FAM174A: variants seen among roughly 807,000 people sequenced by gnomAD.
FAM174A encodes family with sequence similarity 174 member A.
Under a neutral mutation model 14.3 loss-of-function variants are expected in FAM174A, and 14 were observed. That is an observed-to-expected ratio of 0.98 (90% CI 0.65 to 1.53). The LOEUF is 1.53. FAM174A is among the 40% of genes most tolerant of loss of function. The pLI is 0.00. For missense variants in FAM174A, 241 were observed against 249.6 expected, an observed-to-expected ratio of 0.97 and a Z score of 0.23; for synonymous variants, 108 against 111.4, an observed-to-expected ratio of 0.97 and a Z score of 0.19.
chr5:100,555,341 G>A (rs1382492974), intron 1 of FAM174A, among the ~76,000 whole-genome samples: 4 of 152,038 alleles, frequency 2.6e-5, no homozygotes, highest in African/African-American at 9.7e-5. Context: ...TTGGACATTT[G>A]GGTTGGTTCC....
At chr5:100,577,704 T>G (rs1422543589) in intron 2 of FAM174A, among the ~76,000 whole-genome samples, 3 of 152,140 alleles carry the variant, frequency 2.0e-5, no homozygotes, top group Non-Finnish European at 4.4e-5. Flanking sequence ...ATTAAAGTAC[T>G]AATATTTACT....
chr5:100,575,619 C>T (rs1047298280), intron 2 of FAM174A, among the ~76,000 whole-genome samples: 2 of 152,156 alleles, frequency 1.3e-5, no homozygotes, highest in Non-Finnish European at 1.5e-5. Context: ...AGGACATAGG[C>T]ATGGGCAAGG....
Position 100,535,709 on chromosome 5 carries a change from C to T in FAM174A, c.179C>T (p.Pro60Leu). The change falls in exon 1 of 3, where the codon CCT becomes CTT. Residue 60 changes from proline to leucine, a missense_variant. Coordinates refer to ENST00000312637, the MANE Select transcript of FAM174A (RefSeq NM_198507.3). Reference sequence around the variant, plus strand: ...ACATTACCGCCGCTGCCACCGGGCCCTACCCCTGCCCAGCAGCCGGGCCGT... The same window carrying T: ...ACATTACCGCCGCTGCCACCGGGCCTTACCCCTGCCCAGCAGCCGGGCCGT... ...PRTLPPLPPGPTPAQQPGRGL... is the reference protein window; with the variant it reads ...PRTLPPLPPGLTPAQQPGRGL... 2 of 1,607,212 alleles carry T rather than the reference C, an allele frequency of 1.2e-6. No individual in the cohort carries two copies. Among genetic ancestry groups the T allele is most frequent in the Non-Finnish European group, 1.7e-6 (2 of 1,178,140 alleles).
intron 2 of FAM174A, among the ~76,000 whole-genome samples, chr5:100,582,591 T>G (rs976987290): frequency 6.6e-6 from 1 of 152,082 alleles, no homozygotes; most frequent in Non-Finnish European, 1.5e-5. Flanking sequence ...ATAATTAGAA[T>G]TAAAATCTAT....
At position 100,535,506 on chromosome 5, in the gene FAM174A, G is replaced by C. The variant is rs1182723860; in HGVS notation, c.-25G>C. 1 of 1,608,360 alleles carries C rather than the reference G, an allele frequency of 6.2e-7. No homozygotes were observed. Among genetic ancestry groups the C allele is most frequent in the Admixed American group, 1.7e-5 (1 of 59,698 alleles). ...GCGTGGCGGGCCTGGCGGCTCCCGG[G>C]TGGTGAGAGAGCGGTCCGGGAACGA... On this transcript the variant is annotated 5_prime_UTR_variant, in exon 1 of 3. Transcript: ENST00000312637.
intron 2 of FAM174A, among the ~76,000 whole-genome samples, chr5:100,584,055 C>T (rs1747071627): frequency 6.6e-6 from 1 of 152,186 alleles, no homozygotes; most frequent in Admixed American, 6.5e-5. Flanking sequence ...CTTTAAAAGT[C>T]AGTCCCCTAC....
intron 1 of FAM174A, among the ~76,000 whole-genome samples, chr5:100,542,957 G>A (rs927937997): frequency 6.6e-6 from 1 of 151,808 alleles, no homozygotes; most frequent in Non-Finnish European, 1.5e-5. Flanking sequence ...ACTGGGTATA[G>A]CAGTGCAGGC....
chr5:100,566,155 T>TATATATATATATATATATATATAG (rs1561320272), intron 2 of FAM174A, among the ~76,000 whole-genome samples: 1 of 141,322 alleles, frequency 7.1e-6, no homozygotes, highest in Non-Finnish European at 1.5e-5. Context: ...TATATATATA[T>TATATATATATATATATATATATAG]ATATATATAT....
At chr5:100,561,818 C>T (rs947006736) in intron 1 of FAM174A, among the ~76,000 whole-genome samples, 3 of 151,714 alleles carry the variant, frequency 2.0e-5, no homozygotes, top group Admixed American at 6.6e-5. Flanking sequence ...CATCAGTTGA[C>T]ACAGAGAGAA....
intron 1 of FAM174A, among the ~76,000 whole-genome samples, chr5:100,548,357 CA>C (rs1444120819): frequency 2.0e-5 from 3 of 151,940 alleles, no homozygotes; most frequent in Non-Finnish European, 2.9e-5. Context: ...AACAACTAAT[CA>C]AAACAACATA....
intron 2 of FAM174A, among the ~76,000 whole-genome samples, chr5:100,566,095 G>C (rs1187320974): frequency 7.4e-6 from 1 of 135,264 alleles, no homozygotes; most frequent in Non-Finnish European, 1.6e-5. Flanking sequence ...ATTTAGGTGG[G>C]GGCACAGCCA....
chr5:100,565,257 C>G (rs1435940595), intron 2 of FAM174A, among the ~76,000 whole-genome samples: 1 of 151,704 alleles, frequency 6.6e-6, no homozygotes, highest in Non-Finnish European at 1.5e-5. Context: ...GAAAAAAAGC[C>G]ACAAGATCAT....
chr5:100,542,545 T>C (rs561958339), intron 1 of FAM174A, among the ~76,000 whole-genome samples: 1 of 152,352 alleles, frequency 6.6e-6, no homozygotes, highest in East Asian at 1.9e-4. Flanking sequence ...TTTCTAACTT[T>C]TCTCCACTTC....
intron 1 of FAM174A, among the ~76,000 whole-genome samples, chr5:100,556,348 TG>T (rs1437715112): frequency 6.6e-6 from 1 of 152,204 alleles, no homozygotes; most frequent in East Asian, 1.9e-4. Context: ...ACTGTAGCCT[TG>T]TAGTATAGTT....
At chr5:100,551,962 G>A (rs1463003092) in intron 1 of FAM174A, among the ~76,000 whole-genome samples, 1 of 152,134 alleles carries the variant, frequency 6.6e-6, no homozygotes, top group African/African-American at 2.4e-5. Flanking sequence ...ACATTTTGCA[G>A]TACCGGGGAT....
chr5:100,583,360 C>T (rs1396087121), intron 2 of FAM174A, among the ~76,000 whole-genome samples: 1 of 152,206 alleles, frequency 6.6e-6, no homozygotes, highest in African/African-American at 2.4e-5. Flanking sequence ...ACCAATTCTT[C>T]TTCCACAGCT....
rs1320690709 is a variant in FAM174A, at chr5:100,571,691, T to TATATATAC, written c.569+9504_569+9505insTATATACA. Among the ~76,000 whole-genome samples, 243 of 146,588 alleles carry TATATATAC rather than the reference T, an allele frequency of 1.7e-3. 2 individuals are homozygous for TATATATAC. The highest frequency in any genetic ancestry group is 5.8e-3 in the African/African-American group (235 of 40,354). On this transcript the variant is annotated intron_variant, in intron 2 of 2. Transcript: ENST00000312637. ...GTGTGTGTATATATATATATATATA[T>TATATATAC]ACACACACACACCCTATTACTTTAC...
chr5:100,535,622 C>G lies in FAM174A; in HGVS notation c.92C>G (p.Ala31Gly). 1 of 1,613,230 alleles carries G rather than the reference C, an allele frequency of 6.2e-7. No homozygotes were observed. Among genetic ancestry groups the G allele is most frequent in the Non-Finnish European group, 8.5e-7 (1 of 1,179,938 alleles). ...CTGCCTGAACTAAGCGGGCCCCTGG[C>G]AGTCCTGCTGCAGGCAGCCGAGGCC... ...LLLPELSGPL[A>G]VLLQAAEAAP... The change falls in exon 1 of 3, where the codon GCA becomes GGA. Residue 31 changes from alanine (A) to glycine (G), a missense_variant. Ala to Gly is a moderately conservative substitution (Grantham distance 60, BLOSUM62 0). Coordinates refer to ENST00000312637, the MANE Select transcript of FAM174A (RefSeq NM_198507.3).
chr5:100,549,393 A>C (rs553827395), intron 1 of FAM174A, among the ~76,000 whole-genome samples: 4 of 152,300 alleles, frequency 2.6e-5, no homozygotes, highest in Middle Eastern at 3.4e-3. Context: ...TATGTGTTAC[A>C]TACTTTCATA....
Sources: allele counts gnomAD v4.1 joint callset (sites outside exome capture counted in the v4.1 genomes callset), GRCh38; gene constraint gnomAD v4.1.1; transcripts MANE v1.5; gene names NCBI Gene and HGNC (gene_info 2026-07-23, HGNC 2026-07-21).